Variants in HPS4 observed in about 807,000 individuals in gnomAD.
HPS4 encodes the protein BLOC-3 complex member HPS4.
HPS4 carries 44 observed loss-of-function variants against 70.3 expected under a neutral mutation model. The observed-to-expected ratio is 0.63, with a 90% CI of 0.49 to 0.80. The LOEUF (loss-of-function observed/expected upper bound fraction) is 0.80, where lower values mean the gene tolerates loss of function less well. HPS4 is among the 30% of genes least tolerant of loss of function. The probability of loss-of-function intolerance (pLI) is 0.00; values close to 1 mark genes in which losing one functional copy is unlikely to be tolerated. For synonymous variants in HPS4, 377 were observed against 355.9 expected (o/e 1.06, Z -0.67); for missense variants, 873 against 884.4 (o/e 0.99, Z 0.16).
Position 26,477,089 on chromosome 22 carries a change from A to C in HPS4, c.180T>G (p.Val60=). The change falls in exon 4 of 14, where the codon GTT becomes GTG. Residue 60 remains valine (V), a synonymous_variant. Coordinates refer to ENST00000398145, the MANE Select transcript of HPS4 (RefSeq NM_022081.6). ...CAGAAATGTCAGAAACACAGCGGAC[A>C]ACTCCAGCAATCTGTCCACAAAGCA... is the stretch of plus-strand genomic sequence containing the variant. ...QELLCGQIAG[V]VRCVSDISDS... The C allele has an allele frequency of 6.2e-7, 1 of 1,614,192 alleles. No homozygotes were observed. Among genetic ancestry groups the C allele is most frequent in the Non-Finnish European group, 8.5e-7 (1 of 1,180,016 alleles).
Position 26,452,323 on chromosome 22 carries a change from GT to G in HPS4, c.*909del, listed in dbSNP as rs1569000919. On this transcript the variant is annotated 3_prime_UTR_variant, in exon 14 of 14. Coordinates refer to ENST00000398145, the MANE Select transcript of HPS4 (RefSeq NM_022081.6). ...TGTCAAAAAAATGTCTGACTATAAC[GT>G]AATAGAACTGAGGTTCTAAGTACCA... is the stretch of plus-strand genomic sequence containing the variant. The G allele has an allele frequency of 2.2e-6, 1 of 456,560 alleles. No homozygotes were observed. Among genetic ancestry groups the G allele is most frequent in the Non-Finnish European group, 4.4e-6 (1 of 226,968 alleles). The allele number at this position is 456,560 out of a possible 1,614,324, so 28.3% of individuals were successfully genotyped here.
Position 26,468,738 on chromosome 22 carries a change from G to A in HPS4, c.597-115C>T, listed in dbSNP as rs1374353341. The A allele has an allele frequency of 1.5e-5, 14 of 942,700 alleles. No individual in the cohort carries two copies. The East Asian group carries it at 3.4e-4, about 23-fold the overall frequency. The allele number at this position is 942,700 out of a possible 1,614,324, so 58.4% of individuals were successfully genotyped here. ...CGAGGATCTTGGGGACTTGGCTGGTGGGAGTTTCAACTGGTAAAACCCTTA... is the reference window on the plus strand; with the variant it reads ...CGAGGATCTTGGGGACTTGGCTGGTAGGAGTTTCAACTGGTAAAACCCTTA... On this transcript the variant is annotated intron_variant, in intron 7 of 13. Coordinates refer to ENST00000398145, the MANE Select transcript of HPS4 (RefSeq NM_022081.6).
rs2089711097 is a variant in HPS4, at chr22:26,470,975, A to G, written c.502-162T>C. The G allele has an allele frequency of 3.5e-6, 5 of 1,447,414 alleles. No individual in the cohort carries two copies. In the South Asian group the frequency reaches 3.7e-5, roughly 11 times the overall value. The allele number at this position is 1,447,414 out of a possible 1,614,324, so 89.7% of individuals were successfully genotyped here. On this transcript the variant is annotated intron_variant, in intron 6 of 13. Transcript: ENST00000398145. ...GAAAGCTGTGCCATGGCTTGGGACT[A>G]TTCTACCTCTCTATACTCAGAACTG...
chr22:26,471,646 C>T (rs1458992053), intron 6 of HPS4, among the ~76,000 whole-genome samples: 6 of 152,192 alleles, frequency 3.9e-5, no homozygotes, highest in Non-Finnish European at 7.4e-5. Flanking sequence ...GCAGGGAAAA[C>T]CCTTCCCCAT....
At chr22:26,465,896 T>G in intron 9 of HPS4, 1 of 624,998 alleles carries the variant, frequency 1.6e-6, no homozygotes, top group South Asian at 1.8e-5. Context: ...TGAGGACGCC[T>G]CCACATCCTG....
Position 26,464,035 on chromosome 22 carries a change from G to A in HPS4, c.1595C>T (p.Ala532Val). 8.1e-6 allele frequency: 13 copies of A among 1,614,276 alleles called. No individual in the cohort carries two copies. Among genetic ancestry groups the A allele is most frequent in the Non-Finnish European group, 1.1e-5 (13 of 1,180,054 alleles). The change falls in exon 11 of 14, where the codon GCA (alanine) becomes GTA (valine). Residue 532 changes from alanine (A) to valine (V), a missense_variant. Coordinates refer to ENST00000398145, the MANE Select transcript of HPS4 (RefSeq NM_022081.6). ...ADGISSRLTP[A>V]ESCMGLVRMN... ...CCTCACGAGCCCCATGCAGGACTCT[G>A]CTGGTGTCAGCCTGGAGCTGATTCC... is the stretch of plus-strand genomic sequence containing the variant.
chr22:26,445,465 T>C (rs2084923527), intron 3 of HPS4, among the ~76,000 whole-genome samples: 1 of 152,050 alleles, frequency 6.6e-6, no homozygotes, highest in African/African-American at 2.4e-5. Flanking sequence ...CCCAAAGCAA[T>C]GGGACTAGTG....
rs1601961636 is a variant in HPS4 at position 26,468,545 on chromosome 22, C to T, written c.669+6G>A. The stretch of plus-strand genomic sequence containing the variant: ...TGTCCAGCCAGGTGGGTGGACTTTA[C>T]AATACCTGCTCCTGAGGTGCTGTTC... On this transcript the variant is annotated splice_donor_region_variant and intron_variant, in intron 8 of 13. Transcript: ENST00000398145. 6.2e-7 allele frequency: 1 copy of T among 1,613,196 alleles called. No individual in the cohort carries two copies. Among genetic ancestry groups the T allele is most frequent in the Non-Finnish European group, 8.5e-7 (1 of 1,179,466 alleles).
rs184238031 is a variant in HPS4, at chr22:26,479,757, C to G, written c.42-402G>C. ...AGATGCACTCCTCATAAGTGCTGAG[C>G]ACAAAGATTTCCAGAAACAGCCCTT... is the stretch of plus-strand genomic sequence containing the variant. On this transcript the variant is annotated intron_variant, in intron 2 of 13. Transcript: ENST00000398145. 1.0e-5 allele frequency: 9 copies of G among 889,558 alleles called. No homozygotes were observed. In the Admixed American group the frequency reaches 4.3e-4, roughly 42 times the overall value. The allele number at this position is 889,558 out of a possible 1,614,324, so 55.1% of individuals were successfully genotyped here. A position where few individuals can be genotyped will look rare whatever the true frequency, so the allele number is the denominator to read the frequency against.
downstream of HPS4, chr22:26,443,559 T>G (rs1404050037): frequency 1.8e-5 from 3 of 168,438 alleles, no homozygotes; most frequent in African/African-American, 7.3e-5. Flanking sequence ...TGCTCTGAAA[T>G]AGAGTAACTA....
intron 8 of HPS4, 120 bp from the exon 9 acceptor site, chr22:26,466,382 C>A: frequency 9.3e-7 from 1 of 1,076,636 alleles, no homozygotes; most frequent in Non-Finnish European, 1.4e-6. Flanking sequence ...AAGCTTGTCC[C>A]AACCACATGC....
Position 26,452,398 on chromosome 22 carries a change from ACCAC to A in HPS4, c.*831_*834del, listed in dbSNP as rs1324422575. ...GAGTGTCGCTCCCTTTCACGCAGCCACCACTGAAAAGCACAGTGCTTTTACCCCC... is the reference window on the plus strand; with the variant it reads ...GAGTGTCGCTCCCTTTCACGCAGCCATGAAAAGCACAGTGCTTTTACCCCC... On this transcript the variant is annotated 3_prime_UTR_variant, in exon 14 of 14. Coordinates refer to ENST00000398145, the MANE Select transcript of HPS4 (RefSeq NM_022081.6). 2 of 455,950 alleles carry A rather than the reference ACCAC, an allele frequency of 4.4e-6. No homozygotes were observed. The highest frequency in any genetic ancestry group is 3.1e-5 in the South Asian group (2 of 64,362). The allele number at this position is 455,950 out of a possible 1,614,324, so 28.2% of individuals were successfully genotyped here.
chr22:26,466,319 A>G, intron 8 of HPS4, 57 bp from the exon 9 acceptor site: 1 of 1,587,852 alleles, frequency 6.3e-7, no homozygotes, highest in South Asian at 1.1e-5. Context: ...CTCTTGACCT[A>G]ACCATCAGGA....
rs1237497502 is a variant in HPS4, at chr22:26,473,570, T to C, written c.277-631A>G. On this transcript the variant is annotated intron_variant, in intron 4 of 13. Transcript: ENST00000398145. ...GAGATCGAGACCATCCTGACCAACA[T>C]GGTGAAACCCCGTCTCTACTAAAAA... Among the ~76,000 whole-genome samples, 3 of 152,082 alleles carry C rather than the reference T, an allele frequency of 2.0e-5. No homozygotes were observed. The East Asian group carries it at 5.8e-4, about 29-fold the overall frequency.
chr22:26,457,122 C>T (rs1454489379), intron 13 of HPS4, among the ~76,000 whole-genome samples: 1 of 151,752 alleles, frequency 6.6e-6, no homozygotes, highest in Non-Finnish European at 1.5e-5. Flanking sequence ...GTGGTTATTT[C>T]CTGGTGTGTG....
chr22:26,448,599 G>C (rs921741596), downstream of HPS4, among the ~76,000 whole-genome samples: 1 of 152,164 alleles, frequency 6.6e-6, no homozygotes, highest in South Asian at 2.1e-4. Flanking sequence ...GGGGAGAAGG[G>C]TTGCAACTTT....
At chr22:26,467,291 G>T (rs572497961) in intron 8 of HPS4, 1 of 152,132 alleles carries the variant, frequency 6.6e-6, no homozygotes, top group Non-Finnish European at 1.5e-5. Context: ...GGCTTTGCAG[G>T]GCATATGGTC....
At chr22:26,449,989 T>G (rs1365027371), downstream of HPS4, among the ~76,000 whole-genome samples, 1 of 152,188 alleles carries the variant, frequency 6.6e-6, no homozygotes, top group African/African-American at 2.4e-5. Flanking sequence ...CTGCTGGCAT[T>G]CCTTGACTGG....
At chr22:26,466,325 C>T (rs1415506183) in intron 8 of HPS4, 63 bp from the exon 9 acceptor site, 2 of 1,576,698 alleles carry the variant, frequency 1.3e-6, no homozygotes, top group African/African-American at 2.7e-5. Flanking sequence ...ACCTAACCAT[C>T]AGGAATTTGC....
Sources: gnomAD v4.1 joint callset for allele counts (sites outside exome capture counted in the v4.1 genomes callset) on GRCh38, gnomAD v4.1.1 for gene constraint, MANE v1.5 for transcripts, NCBI Gene and HGNC (gene_info 2026-07-23, HGNC 2026-07-21) for gene names.